SNRNP48: variants seen among roughly 807,000 people sequenced by gnomAD.
SNRNP48 encodes small nuclear ribonucleoprotein U11/U12 subunit 48.
In SNRNP48, 43 loss-of-function variants were observed where a neutral mutation model predicts 47.0. The ratio of observed to expected loss-of-function variants is 0.92; its 90% confidence interval spans 0.72 to 1.18. SNRNP48 has a LOEUF of 1.18. Among genes scored for constraint, SNRNP48 ranks in the 50% most tolerant of loss-of-function variants. SNRNP48 has a pLI of 0.00. For missense variants in SNRNP48, 396 were observed against 422.2 expected (o/e 0.94, Z 0.54); for synonymous variants, 138 against 144.0 (o/e 0.96, Z 0.30).
At chr6:7,591,925 GCTAGTCCTAGTTGTCACCTAGTTC>G (rs574652714) in intron 1 of SNRNP48, among the ~76,000 whole-genome samples, 112 of 152,230 alleles carry the variant, frequency 7.4e-4, no homozygotes, top group Admixed American at 1.6e-3. Flanking sequence ...TCCTCACAGA[GCTAGTCCTAGTTGTCACCTAGTTC>G]CTAGTCCTAG....
At position 7,610,483 on chromosome 6, in the gene SNRNP48, CTTGAA is replaced by C. The variant is rs1760213932; in HGVS notation, c.*1612_*1616del. ...TTGCTGCTTTTATAGATCAAAACTA[CTTGAA>C]TCATCAGGAATTTCATATTTTTCAT... On this transcript the variant is annotated 3_prime_UTR_variant, in exon 9 of 9. Coordinates refer to ENST00000342415, the MANE Select transcript of SNRNP48 (RefSeq NM_152551.4). 1 of 152,152 alleles carries C rather than the reference CTTGAA, an allele frequency of 6.6e-6. No individual in the cohort carries two copies. Among genetic ancestry groups the C allele is most frequent in the African/African-American group, 2.4e-5 (1 of 41,442 alleles). The allele number at this position is 152,152 out of a possible 1,614,324, so 9.4% of individuals were successfully genotyped here.
rs1226332757 is a variant in SNRNP48 at position 7,610,611 on chromosome 6, TAGAAGAAAGATACAAGTGA to T, written c.*1740_*1758del. On this transcript the variant is annotated 3_prime_UTR_variant, in exon 9 of 9. Transcript: ENST00000342415. ...AAAATTGGCATATTTAGGTTTTTTG[TAGAAGAAAGATACAAGTGA>T]AAATTAGGAGTGGATTGGAGAAATT... 1 of 152,184 alleles carries T rather than the reference TAGAAGAAAGATACAAGTGA, an allele frequency of 6.6e-6. No individual in the cohort carries two copies. The highest frequency in any genetic ancestry group is 1.5e-5 in the Non-Finnish European group (1 of 68,026). 9.4% of individuals were successfully genotyped at this position (152,184 alleles called of 1,614,324 possible). A position where few individuals can be genotyped will look rare whatever the true frequency, so the allele number is the denominator to read the frequency against.
At chr6:7,608,630 T>A (rs1535433) in intron 8 of SNRNP48, among the ~76,000 whole-genome samples, 195 bp from the exon 9 acceptor site, 107,478 of 152,148 alleles carry the variant, frequency 0.71, 38,605 homozygotes, top group African/African-American at 0.85. Flanking sequence ...GATTTTTTTT[T>A]AATTACGCTT....
At chr6:7,595,762 G>A (rs1759894194) in intron 4 of SNRNP48, among the ~76,000 whole-genome samples, 1 of 152,184 alleles carries the variant, frequency 6.6e-6, no homozygotes, top group Admixed American at 6.5e-5. Context: ...GGTTTGAGGT[G>A]ATGAATGCTT....
chr6:7,603,926 T>C (rs929307166), intron 6 of SNRNP48, among the ~76,000 whole-genome samples: 5 of 152,224 alleles, frequency 3.3e-5, no homozygotes, highest in Non-Finnish European at 7.3e-5. Context: ...ATAGTTGATA[T>C]TTTATTGTGG....
chr6:7,592,758 G>A (rs1030908235), intron 1 of SNRNP48, among the ~76,000 whole-genome samples: 3 of 152,102 alleles, frequency 2.0e-5, no homozygotes, highest in Admixed American at 6.5e-5. Context: ...GAGAGAGAGC[G>A]AGCGAGCGTA....
At chr6:7,601,618 T>A in intron 5 of SNRNP48, 94 bp downstream of exon 5, 2 of 1,300,352 alleles carry the variant, frequency 1.5e-6, no homozygotes, top group South Asian at 3.3e-5. Flanking sequence ...CACTTTGAGT[T>A]AGAGTAAAAT....
chr6:7,604,439 A>G lies in SNRNP48; in HGVS notation c.718-959A>G, dbSNP rs1054156696. Among the ~76,000 whole-genome samples, 10 of 152,206 alleles carry G rather than the reference A, an allele frequency of 6.6e-5. 1 individual carries two copies. Among genetic ancestry groups the G allele is most frequent in the Admixed American group, 6.5e-5 (1 of 15,274 alleles). On this transcript the variant is annotated intron_variant, in intron 6 of 8. Transcript: ENST00000342415. ...GAGCTTAGGGCTTCTCTGTTGAGAG[A>G]TGAGGCTAAGTTCTATCTTATGTAG...
Position 7,611,464 on chromosome 6 carries a change from G to A in SNRNP48, c.*2591G>A, listed in dbSNP as rs1760233417. The stretch of plus-strand genomic sequence containing the variant: ...TGGGATTACAAGTGTGAGCCACTGT[G>A]CCTAGTCACTTTAATTGAGATATTG... On this transcript the variant is annotated 3_prime_UTR_variant, in exon 9 of 9. Coordinates refer to ENST00000342415, the MANE Select transcript of SNRNP48 (RefSeq NM_152551.4). The A allele has an allele frequency of 6.6e-6, 1 of 152,214 alleles. No individual in the cohort carries two copies. The highest frequency in any genetic ancestry group is 2.1e-4 in the South Asian group (1 of 4,832). 9.4% of individuals were successfully genotyped at this position (152,214 alleles called of 1,614,324 possible). A position where few individuals can be genotyped will look rare whatever the true frequency, so the allele number is the denominator to read the frequency against.
chr6:7,599,901 G>GATT (rs1759981525), intron 4 of SNRNP48: 2 of 998,712 alleles, frequency 2.0e-6, no homozygotes, highest in East Asian at 1.5e-4. Flanking sequence ...TGAAGAAAAG[G>GATT]CTAAAATAAT....
intron 1 of SNRNP48, among the ~76,000 whole-genome samples, chr6:7,592,918 G>C (rs1055977663): frequency 1.1e-4 from 16 of 152,110 alleles, no homozygotes; most frequent in Non-Finnish European, 1.9e-4. Context: ...TGGGTGATGA[G>C]GGAGAAGTAG....
chr6:7,609,692 T>TA lies in SNRNP48; in HGVS notation c.*825dup, dbSNP rs923380678. On this transcript the variant is annotated 3_prime_UTR_variant, in exon 9 of 9. Transcript: ENST00000342415. ...GCTTTATCCATAACATTAATTTTTT[T>TA]AAAAAATAAGGTCTTAATGTTTCAT... The TA allele has an allele frequency of 3.9e-5, 6 of 152,174 alleles. No individual in the cohort carries two copies. The highest frequency in any genetic ancestry group is 1.4e-4 in the African/African-American group (6 of 41,500). The allele number at this position is 152,174 out of a possible 1,614,324, so 9.4% of individuals were successfully genotyped here.
intron 8 of SNRNP48, among the ~76,000 whole-genome samples, chr6:7,607,415 T>C (rs1038562629): frequency 6.6e-6 from 1 of 152,230 alleles, no homozygotes; most frequent in African/African-American, 2.4e-5. Flanking sequence ...TGTATTTTGC[T>C]ACTACGCCAT....
intron 8 of SNRNP48, among the ~76,000 whole-genome samples, chr6:7,608,242 G>A (rs1319605848): frequency 6.6e-6 from 1 of 151,834 alleles, no homozygotes; most frequent in Non-Finnish European, 1.5e-5. Flanking sequence ...TTAAGAGTAT[G>A]TATGAAAAAT....
intron 7 of SNRNP48, among the ~76,000 whole-genome samples, chr6:7,605,795 T>C (rs1760114164): frequency 6.6e-6 from 1 of 152,206 alleles, no homozygotes; most frequent in South Asian, 2.1e-4. Context: ...GTCCTACTGC[T>C]CAAGGTCATC....
In SNRNP48 at chr6:7,611,602, G is replaced by C. The variant is rs990985296; in HGVS notation, c.*2729G>C. ...TGATCTTCAAGTATTTGCCACTTTC[G>C]AGTACAGCTAATTGGATAATCTCAA... is the stretch of plus-strand genomic sequence containing the variant. On this transcript the variant is annotated 3_prime_UTR_variant, in exon 9 of 9. Transcript: ENST00000342415. The C allele has an allele frequency of 6.6e-6, 1 of 152,164 alleles. No homozygotes were observed. Among genetic ancestry groups the C allele is most frequent in the Non-Finnish European group, 1.5e-5 (1 of 68,034 alleles). 9.4% of individuals were successfully genotyped at this position (152,164 alleles called of 1,614,324 possible).
intron 6 of SNRNP48, among the ~76,000 whole-genome samples, chr6:7,603,081 G>T (rs1760060716): frequency 6.6e-6 from 1 of 152,138 alleles, no homozygotes; most frequent in Non-Finnish European, 1.5e-5. Context: ...ACTTAAGCAA[G>T]TTATTTGAGC....
chr6:7,601,542 T>C lies in SNRNP48; in HGVS notation c.595+18T>C, dbSNP rs1236380899. On this transcript the variant is annotated intron_variant, in intron 5 of 8. Coordinates refer to ENST00000342415, the MANE Select transcript of SNRNP48 (RefSeq NM_152551.4). ...CAATCAAGGTTTGAGATGCACATCATGGCTTTACATTTCTTCATTATCATT... is the reference window on the plus strand; with the variant it reads ...CAATCAAGGTTTGAGATGCACATCACGGCTTTACATTTCTTCATTATCATT... 6.5e-7 allele frequency: 1 copy of C among 1,537,026 alleles called. No individual in the cohort carries two copies.
At chr6:7,591,680 A>C (rs573190478) in intron 1 of SNRNP48, among the ~76,000 whole-genome samples, 47 of 152,306 alleles carry the variant, frequency 3.1e-4, no homozygotes, top group Non-Finnish European at 6.0e-4. Context: ...ATTAACGTTT[A>C]AATAGCACTT....
Sources: allele counts gnomAD v4.1 joint callset (sites outside exome capture counted in the v4.1 genomes callset), GRCh38; gene constraint gnomAD v4.1.1; transcripts MANE v1.5; gene names NCBI Gene and HGNC (gene_info 2026-07-23, HGNC 2026-07-21).